Variants in ZBTB7C observed in about 807,000 individuals in gnomAD.
ZBTB7C encodes zinc finger and BTB domain-containing protein 7C.
A neutral mutation model predicts 25.7 loss-of-function variants in ZBTB7C; 8 were observed. The observed-to-expected ratio is 0.31, with a 90% CI of 0.18 to 0.56. ZBTB7C has a LOEUF of 0.56. ZBTB7C is among the 20% of genes least tolerant of loss of function. The pLI, the probability that ZBTB7C is intolerant of heterozygous loss-of-function variation, is 0.91. For synonymous variants in ZBTB7C, 394 were observed against 369.0 expected, an observed-to-expected ratio of 1.07 and a Z score of -0.78; for missense variants, 824 against 855.2, an observed-to-expected ratio of 0.96 and a Z score of 0.46.
At chr18:48,351,044 A>G (rs1349404300) in intron 1 of ZBTB7C, among the ~76,000 whole-genome samples, 3 of 151,956 alleles carry the variant, frequency 2.0e-5, no homozygotes, top group African/African-American at 7.3e-5. Flanking sequence ...TGTCTGTAGA[A>G]TAAATTCATA....
intron 2 of ZBTB7C, among the ~76,000 whole-genome samples, chr18:48,233,378 G>A (rs994022845): frequency 6.6e-6 from 1 of 152,102 alleles, no homozygotes; most frequent in Non-Finnish European, 1.5e-5. Flanking sequence ...CCAGTCTCTG[G>A]TATTCTCTTA....
intron 2 of ZBTB7C, among the ~76,000 whole-genome samples, chr18:48,230,960 T>C (rs2043235360): frequency 6.6e-6 from 1 of 152,160 alleles, no homozygotes; most frequent in Non-Finnish European, 1.5e-5. Flanking sequence ...ATGTGCATGC[T>C]CAGGCCAGAA....
At chr18:48,311,989 A>G (rs1370681116) in intron 2 of ZBTB7C, among the ~76,000 whole-genome samples, 1 of 152,134 alleles carries the variant, frequency 6.6e-6, no homozygotes, top group East Asian at 1.9e-4. Context: ...CTGCTTATCC[A>G]GTTTCTGTCC....
intron 2 of ZBTB7C, among the ~76,000 whole-genome samples, chr18:48,269,539 AAGC>A (rs1380298124): frequency 6.6e-6 from 1 of 152,140 alleles, no homozygotes; most frequent in Non-Finnish European, 1.5e-5. Context: ...GGAGAAGAAA[AAGC>A]CCCTGTTTAG....
chr18:48,155,906 A>T (rs80269297), intron 3 of ZBTB7C, among the ~76,000 whole-genome samples: 3,105 of 152,272 alleles, frequency 0.02, 111 homozygotes, highest in African/African-American at 0.071. Flanking sequence ...AAATAGAAGA[A>T]TACTCAGCCT....
At chr18:48,332,636 C>T (rs1045124724) in intron 2 of ZBTB7C, among the ~76,000 whole-genome samples, 1 of 146,734 alleles carries the variant, frequency 6.8e-6, no homozygotes, top group African/African-American at 2.5e-5. Context: ...TTACCCTTTC[C>T]TAGTCTGTTT....
At chr18:48,278,357 T>C (rs540786277) in intron 2 of ZBTB7C, among the ~76,000 whole-genome samples, 2 of 152,090 alleles carry the variant, frequency 1.3e-5, no homozygotes, top group Non-Finnish European at 1.5e-5. Context: ...AGTGGCACCA[T>C]CTTGGATCGT....
intron 2 of ZBTB7C, among the ~76,000 whole-genome samples, chr18:48,285,151 T>C (rs1256739274): frequency 1.3e-5 from 2 of 152,254 alleles, no homozygotes; most frequent in Admixed American, 1.3e-4. Context: ...CATTGGCTCA[T>C]GCTTGTTACT....
intron 1 of ZBTB7C, among the ~76,000 whole-genome samples, chr18:48,372,414 T>C (rs560703788): frequency 6.6e-6 from 1 of 152,312 alleles, no homozygotes; most frequent in South Asian, 2.1e-4. Flanking sequence ...TTCTGGCCAA[T>C]AGGCTATGAG....
intron 1 of ZBTB7C, among the ~76,000 whole-genome samples, chr18:48,341,347 G>C (rs1469764187): frequency 6.6e-6 from 1 of 152,240 alleles, no homozygotes; most frequent in Non-Finnish European, 1.5e-5. Context: ...CAGGCTGTAG[G>C]AGGCAAGGCC....
rs1158729439 is a variant in ZBTB7C at position 48,062,094 on chromosome 18, A to T, written c.-16-20971T>A. On this transcript the variant is annotated intron_variant, in intron 3 of 4. Coordinates refer to ENST00000590800, the MANE Select transcript of ZBTB7C (RefSeq NM_001318841.2). ...AATCTCCCAAGGAAAACATGAGAGAATCTTATTTCTTCTCATTAAACAATT... is the reference window on the plus strand; with the variant it reads ...AATCTCCCAAGGAAAACATGAGAGATTCTTATTTCTTCTCATTAAACAATT... Among the ~76,000 whole-genome samples the T allele has an allele frequency of 3.9e-5, 6 of 152,230 alleles. 1 individual carries two copies. Among genetic ancestry groups the T allele is most frequent in the African/African-American group, 9.6e-5 (4 of 41,458 alleles).
At chr18:48,082,362 C>A (rs186274672) in intron 3 of ZBTB7C, among the ~76,000 whole-genome samples, 160 of 152,240 alleles carry the variant, frequency 1.1e-3, no homozygotes, top group Admixed American at 9.2e-3. Context: ...AATTGTTAGT[C>A]ATCTTGGGTA....
chr18:48,295,762 C>T (rs538879790), intron 2 of ZBTB7C, among the ~76,000 whole-genome samples: 101 of 152,252 alleles, frequency 6.6e-4, no homozygotes, highest in African/African-American at 2.1e-3. Flanking sequence ...CCTGAGCCAA[C>T]GCAGCTGAAA....
intron 3 of ZBTB7C, among the ~76,000 whole-genome samples, chr18:48,154,638 T>A (rs1033671979): frequency 6.6e-6 from 1 of 152,232 alleles, no homozygotes; most frequent in Non-Finnish European, 1.5e-5. Flanking sequence ...AGACACCTTA[T>A]GGAAAACTTG....
chr18:48,356,109 G>A (rs1408888301), intron 1 of ZBTB7C, among the ~76,000 whole-genome samples: 1 of 152,188 alleles, frequency 6.6e-6, no homozygotes, highest in Non-Finnish European at 1.5e-5. Context: ...TGCGCATGAG[G>A]CTTGAGACCC....
intron 3 of ZBTB7C, among the ~76,000 whole-genome samples, chr18:48,129,404 T>C (rs1486985956): frequency 2.1e-5 from 3 of 142,470 alleles, no homozygotes; most frequent in Non-Finnish European, 4.6e-5. Flanking sequence ...ACCCCAAACA[T>C]GTTCCTTTCA....
intron 1 of ZBTB7C, among the ~76,000 whole-genome samples, chr18:48,341,106 T>TGTTTGTTTCCTCATTC (rs1384972816): frequency 6.6e-6 from 1 of 152,258 alleles, no homozygotes; most frequent in East Asian, 1.9e-4. Flanking sequence ...ACTGAGTTTC[T>TGTTTGTTTCCTCATTC]GTTTGTTTCC....
chr18:48,232,550 G>A lies in ZBTB7C; in HGVS notation c.-78-46555C>T, dbSNP rs2043282392. Among the ~76,000 whole-genome samples, 3 of 152,040 alleles carry A rather than the reference G, an allele frequency of 2.0e-5. No individual in the cohort carries two copies. In the South Asian group the frequency reaches 6.2e-4, roughly 31 times the overall value. ...TCAGTTAAGGTCACCTGGAACAGAA[G>A]AATCATCAGCTAAGATCTGTCCAAA... is the stretch of plus-strand genomic sequence containing the variant. On this transcript the variant is annotated intron_variant, in intron 2 of 4. Transcript: ENST00000590800.
chr18:48,266,788 T>C (rs1000183703), intron 2 of ZBTB7C, among the ~76,000 whole-genome samples: 4 of 152,212 alleles, frequency 2.6e-5, no homozygotes, highest in Non-Finnish European at 5.9e-5. Context: ...TTCTGTTTAA[T>C]GTTACAGGTA....
Sources: gnomAD v4.1 joint callset for allele counts (sites outside exome capture counted in the v4.1 genomes callset) on GRCh38, gnomAD v4.1.1 for gene constraint, MANE v1.5 for transcripts, NCBI Gene and HGNC (gene_info 2026-07-23, HGNC 2026-07-21) for gene names.